The following PRKN variants were observed in gnomAD, a reference collection of about 807,000 sequenced individuals.
PRKN encodes E3 ubiquitin-protein ligase parkin.
Under a neutral mutation model 59.5 loss-of-function variants are expected in PRKN, and 56 were observed. The ratio of observed to expected loss-of-function variants is 0.94; its 90% confidence interval spans 0.76 to 1.18. The LOEUF is 1.18. Ranked by LOEUF, PRKN falls within the 50% of genes most tolerant of loss-of-function variation. The probability of loss-of-function intolerance (pLI) is 0.00; values close to 1 mark genes in which losing one functional copy is unlikely to be tolerated. For missense variants in PRKN, 657 were observed against 596.4 expected (o/e 1.10, Z -1.06); for synonymous variants, 250 against 222.1 (o/e 1.13, Z -1.12).
intron 1 of PRKN, among the ~76,000 whole-genome samples, chr6:162,542,455 A>C (rs1778963784): frequency 6.6e-6 from 1 of 152,106 alleles, no homozygotes; most frequent in Admixed American, 6.5e-5. Flanking sequence ...ACTGCTCCTT[A>C]AATCTATAAG....
Position 162,459,130 on chromosome 6 carries a change from GT to G in PRKN, c.8-15658del, listed in dbSNP as rs1170183248. 1.3e-5 allele frequency among the ~76,000 whole-genome samples: 2 copies of G among 152,082 alleles called. 1 individual carries two copies. Among genetic ancestry groups the G allele is most frequent in the Non-Finnish European group, 2.9e-5 (2 of 67,996 alleles). On this transcript the variant is annotated intron_variant, in intron 1 of 11. Coordinates refer to ENST00000366898, the MANE Select transcript of PRKN (RefSeq NM_004562.3). ...CCACCGTGCCTGGCCAGAAATAAAC[GT>G]TTTTATTGTGAGCCAACAGAAATTA...
chr6:161,782,433 T>C (rs2128205950), intron 7 of PRKN, among the ~76,000 whole-genome samples: 1 of 152,290 alleles, frequency 6.6e-6, no homozygotes, highest in Middle Eastern at 3.4e-3. Flanking sequence ...ACGTTTACCT[T>C]TGGGAGAGAA....
chr6:161,473,692 T>A lies in PRKN; in HGVS notation c.1083+75162A>T, dbSNP rs1790913240. Among the ~76,000 whole-genome samples the A allele has an allele frequency of 6.6e-6, 1 of 151,750 alleles. No individual in the cohort carries two copies. The highest frequency in any genetic ancestry group is 2.4e-5 in the African/African-American group (1 of 41,274). ...TAATTATAATATTGTATAATGAAAA[T>A]TTGCAAAAAAGTAGATTTTAGGTGC... On this transcript the variant is annotated intron_variant, in intron 9 of 11. Transcript: ENST00000366898. This position sits in a 1 kb window ranked among gnomAD's most constrained non-coding sequence, Gnocchi z 4.1.
chr6:161,659,076 C>T (rs1309665225), intron 7 of PRKN, among the ~76,000 whole-genome samples: 1 of 152,166 alleles, frequency 6.6e-6, no homozygotes, highest in Non-Finnish European at 1.5e-5. Context: ...CTCCATTGTC[C>T]TTGACTGTGA....
intron 6 of PRKN, among the ~76,000 whole-genome samples, chr6:161,859,340 G>C (rs1254531850): frequency 3.3e-5 from 5 of 151,776 alleles, no homozygotes; most frequent in Non-Finnish European, 7.4e-5. Flanking sequence ...CGCGGTGACT[G>C]ACGCCTGTAA....
At chr6:161,872,727 G>T (rs1054645112) in intron 6 of PRKN, among the ~76,000 whole-genome samples, 3 of 152,058 alleles carry the variant, frequency 2.0e-5, no homozygotes, top group African/African-American at 7.2e-5. Flanking sequence ...CCTCTGTCCT[G>T]GGACTAGGAC....
At chr6:161,701,399 A>C (rs192550722) in intron 7 of PRKN, among the ~76,000 whole-genome samples, 1 of 152,338 alleles carries the variant, frequency 6.6e-6, no homozygotes, top group East Asian at 1.9e-4. Flanking sequence ...TCTTGGAATA[A>C]GTAAAACAAT....
chr6:162,177,436 T>C (rs950734483), intron 4 of PRKN, among the ~76,000 whole-genome samples: 5 of 152,210 alleles, frequency 3.3e-5, no homozygotes, highest in African/African-American at 4.8e-5. Flanking sequence ...TTAAGTGTTA[T>C]ATAATGAGAG....
At chr6:162,387,553 CACAGAGAGAGAGAGAGAG>C (rs1380979693) in intron 2 of PRKN, among the ~76,000 whole-genome samples, 45 of 80,268 alleles carry the variant, frequency 5.6e-4, no homozygotes, top group African/African-American at 1.6e-3. Context: ...CACACACACA[CACAGAGAGAGAGAGAGAG>C]AGAGAGAGAG....
At chr6:162,474,678 CAAGATTCA>C (rs1791916099) in intron 1 of PRKN, among the ~76,000 whole-genome samples, 1 of 152,180 alleles carries the variant, frequency 6.6e-6, no homozygotes, top group South Asian at 2.1e-4. Context: ...GGCCATATTA[CAAGATTCA>C]AAGATTTGCT....
rs1203463966 is a variant in PRKN, at chr6:161,895,523, C to CGTAGTTAGCTGGGGTG, written c.734+77778_734+77779insCACCCCAGCTAACTAC. Reference sequence around the variant, plus strand: ...GCCCACCCCACCTGCCGTTATGCCCCCCAGTGAGGCTTCTGAGATTCAGGA... The same window carrying CGTAGTTAGCTGGGGTG: ...GCCCACCCCACCTGCCGTTATGCCCCGTAGTTAGCTGGGGTGCCAGTGAGGCTTCTGAGATTCAGGA... On this transcript the variant is annotated intron_variant, in intron 6 of 11. Coordinates refer to ENST00000366898, the MANE Select transcript of PRKN (RefSeq NM_004562.3). 6.9e-4 allele frequency among the ~76,000 whole-genome samples: 71 copies of CGTAGTTAGCTGGGGTG among 103,000 alleles called. 1 individual carries two copies. The highest frequency in any genetic ancestry group is 9.7e-3 in the Middle Eastern group (2 of 206). The allele number at this position is 103,000 out of a possible 152,430, so 67.6% of individuals were successfully genotyped here. A position where few individuals can be genotyped will look rare whatever the true frequency, so the allele number is the denominator to read the frequency against.
At chr6:162,394,075 T>C (rs893726616) in intron 2 of PRKN, among the ~76,000 whole-genome samples, 4 of 152,232 alleles carry the variant, frequency 2.6e-5, no homozygotes, top group Non-Finnish European at 4.4e-5. Flanking sequence ...TAGTAACTTA[T>C]AATCTAGCTT....
intron 1 of PRKN, among the ~76,000 whole-genome samples, chr6:162,473,738 C>CCAATATAGTCCA (rs1791870897): frequency 6.6e-6 from 1 of 152,016 alleles, no homozygotes; most frequent in Non-Finnish European, 1.5e-5. Context: ...CCATATGTGG[C>CCAATATAGTCCA]TAACGGCTAC....
intron 4 of PRKN, among the ~76,000 whole-genome samples, chr6:162,166,586 C>T (rs996315361): frequency 2.0e-5 from 3 of 152,046 alleles, no homozygotes; most frequent in Non-Finnish European, 4.4e-5. Context: ...TGAAGTATTT[C>T]GAGGTGAAGT....
chr6:162,463,380 G>A (rs561056037), intron 1 of PRKN, among the ~76,000 whole-genome samples: 31 of 152,280 alleles, frequency 2.0e-4, no homozygotes, highest in Admixed American at 5.9e-4. Flanking sequence ...TTCTCCATGG[G>A]TCTCCGGCCT....
At chr6:161,494,834 C>T (rs1777683232) in intron 9 of PRKN, among the ~76,000 whole-genome samples, 2 of 152,164 alleles carry the variant, frequency 1.3e-5, no homozygotes, top group South Asian at 2.1e-4. Flanking sequence ...TCCAAGTCTC[C>T]AGGCGAACAT....
chr6:161,521,723 G>A (rs977463524), intron 9 of PRKN, among the ~76,000 whole-genome samples: 2 of 152,108 alleles, frequency 1.3e-5, no homozygotes, highest in Non-Finnish European at 2.9e-5. Context: ...ACCCATTTGG[G>A]AGGTCCATTT....
intron 5 of PRKN, among the ~76,000 whole-genome samples, chr6:162,034,178 T>TAG (rs1355967293): frequency 8.1e-6 from 1 of 123,480 alleles, no homozygotes; most frequent in Non-Finnish European, 1.6e-5. Flanking sequence ...CATATATATA[T>TAG]ATATATATAG....
chr6:161,531,108 G>A (rs181876118), intron 9 of PRKN, among the ~76,000 whole-genome samples: 16 of 152,218 alleles, frequency 1.1e-4, no homozygotes, highest in South Asian at 8.3e-4. Context: ...AAGGCCGGGC[G>A]CGGTGGCTCA....
Sources: allele counts gnomAD v4.1 joint callset (sites outside exome capture counted in the v4.1 genomes callset), GRCh38; gene constraint gnomAD v4.1.1; non-coding constraint Gnocchi (gnomAD v3.1); transcripts MANE v1.5; gene names NCBI Gene and HGNC (gene_info 2026-07-23, HGNC 2026-07-21).